The following MBNL1 variants were observed in gnomAD, a reference collection of about 807,000 sequenced individuals.
MBNL1 encodes the protein muscleblind-like protein 1.
Under a neutral mutation model 42.2 loss-of-function variants are expected in MBNL1, and 8 were observed. The ratio of observed to expected loss-of-function variants is 0.19; its 90% CI spans 0.11 to 0.34. The LOEUF (loss-of-function observed/expected upper bound fraction) is 0.34, where lower values mean the gene tolerates loss of function less well. MBNL1 is among the 10% of genes least tolerant of loss of function. MBNL1 has a pLI of 1.00. For missense variants in MBNL1, 309 were observed against 495.3 expected (o/e 0.62, Z 3.57); for synonymous variants, 169 against 173.9 (o/e 0.97, Z 0.22).
In MBNL1 at chr3:152,424,578, T is replaced by C. The variant is rs562681816; in HGVS notation, c.346-8139T>C. ...CACAGAATTAGAAAAAAAAAAAAAC[T>C]ACTTTAAATTTCATATGGAACCAAA... On this transcript the variant is annotated intron_variant, in intron 3 of 9. Transcript: ENST00000324210. Among the ~76,000 whole-genome samples the C allele has an allele frequency of 2.0e-5, 3 of 149,222 alleles. 1 individual carries two copies. In the East Asian group the frequency reaches 5.8e-4, roughly 29 times the overall value.
At chr3:152,309,705 T>G (rs2065268855) in intron 2 of MBNL1, among the ~76,000 whole-genome samples, 1 of 152,216 alleles carries the variant, frequency 6.6e-6, no homozygotes, top group Admixed American at 6.5e-5. Context: ...GATGGATAAA[T>G]TACATCTGTA....
At chr3:152,432,640 G>C in intron 3 of MBNL1, 77 bp from the exon 4 acceptor site, 1 of 1,274,946 alleles carries the variant, frequency 7.8e-7, no homozygotes, top group South Asian at 1.2e-5. Context: ...GATGGATGGA[G>C]GACAAATGTA....
At chr3:152,421,585 A>G (rs1478956000) in intron 3 of MBNL1, among the ~76,000 whole-genome samples, 1 of 152,206 alleles carries the variant, frequency 6.6e-6, no homozygotes, top group Non-Finnish European at 1.5e-5. Context: ...CATTCAGGAA[A>G]TACAGAGAAC....
intron 9 of MBNL1, among the ~76,000 whole-genome samples, chr3:152,460,330 A>G (rs1181791300): frequency 1.3e-5 from 2 of 152,044 alleles, no homozygotes; most frequent in East Asian, 1.9e-4. Flanking sequence ...ACACAAATCT[A>G]CATATTCAAA....
intron 2 of MBNL1, among the ~76,000 whole-genome samples, chr3:152,252,420 A>T (rs1049412603): frequency 8.0e-5 from 12 of 150,290 alleles, no homozygotes; most frequent in African/African-American, 2.9e-4. Context: ...ATTTAATTTT[A>T]TTTTTTGAGT....
At chr3:152,349,156 C>A (rs1366654257) in intron 2 of MBNL1, among the ~76,000 whole-genome samples, 6 of 151,974 alleles carry the variant, frequency 3.9e-5, no homozygotes. Context: ...AAGAATGTAT[C>A]CCTTGTGCTA....
chr3:152,459,453 A>T (rs1740556736), intron 9 of MBNL1, 108 bp downstream of exon 9: 1 of 449,896 alleles, frequency 2.2e-6, no homozygotes, highest in Non-Finnish European at 4.0e-6. Context: ...AAATATATAC[A>T]GATCACATTT....
intron 2 of MBNL1, among the ~76,000 whole-genome samples, chr3:152,413,836 T>G (rs1434624540): frequency 6.6e-6 from 1 of 152,210 alleles, no homozygotes; most frequent in Non-Finnish European, 1.5e-5. Flanking sequence ...GAAAATATGT[T>G]GAAATAATAT....
At chr3:152,433,060 C>G (rs2099027078) in intron 4 of MBNL1, 140 bp downstream of exon 4, 1 of 665,992 alleles carries the variant, frequency 1.5e-6, no homozygotes, top group African/African-American at 1.8e-5. Flanking sequence ...GAACATTTTA[C>G]TAGAGTATAG....
chr3:152,247,437 T>C (rs2033342314), intron 2 of MBNL1, among the ~76,000 whole-genome samples: 1 of 152,026 alleles, frequency 6.6e-6, no homozygotes, highest in South Asian at 2.1e-4. Context: ...ATGTATCATT[T>C]TCATGATACA....
chr3:152,374,162 C>T (rs1165844111), intron 2 of MBNL1, among the ~76,000 whole-genome samples: 1 of 152,096 alleles, frequency 6.6e-6, no homozygotes, highest in Non-Finnish European at 1.5e-5. Flanking sequence ...AATAGCCTAG[C>T]TATAGAAACA....
chr3:152,250,278 A>G (rs1218056791), intron 2 of MBNL1, among the ~76,000 whole-genome samples: 1 of 151,442 alleles, frequency 6.6e-6, no homozygotes, highest in East Asian at 2.0e-4. Context: ...ATTTGTTTGT[A>G]TCCTCTTTTA....
chr3:152,407,526 T>C (rs1331850955), intron 2 of MBNL1, among the ~76,000 whole-genome samples: 4 of 152,114 alleles, frequency 2.6e-5, no homozygotes, highest in Non-Finnish European at 5.9e-5. Context: ...AGAAGTTGTG[T>C]TTGATTTAAA....
At chr3:152,340,789 G>A in intron 2 of MBNL1, 1 of 1,614,054 alleles carries the variant, frequency 6.2e-7, no homozygotes, top group Non-Finnish European at 8.5e-7. Context: ...TCCAGCAGAA[G>A]GGGACTGGAC....
chr3:152,410,045 T>C (rs1194220626), intron 2 of MBNL1, among the ~76,000 whole-genome samples: 1 of 152,082 alleles, frequency 6.6e-6, no homozygotes, highest in Non-Finnish European at 1.5e-5. Context: ...TTTATTCTTA[T>C]TTTGATTGGC....
At chr3:152,383,359 T>A (rs1284857442) in intron 2 of MBNL1, among the ~76,000 whole-genome samples, 6 of 152,104 alleles carry the variant, frequency 3.9e-5, no homozygotes, top group Non-Finnish European at 8.8e-5. Context: ...TACAGTTTTC[T>A]GGAGAGTGAG....
At chr3:152,412,721 T>A (rs1579890834) in intron 2 of MBNL1, among the ~76,000 whole-genome samples, 2 of 152,098 alleles carry the variant, frequency 1.3e-5, no homozygotes, top group African/African-American at 4.8e-5. Context: ...GGCAGGATGG[T>A]CTGGGTGGTG....
intron 2 of MBNL1, among the ~76,000 whole-genome samples, chr3:152,342,190 A>G (rs2093388353): frequency 6.6e-6 from 1 of 152,100 alleles, no homozygotes; most frequent in Non-Finnish European, 1.5e-5. Context: ...TCTGGCAGTG[A>G]GTGCCAGTTC....
At chr3:152,313,636 C>T (rs2068478356) in intron 2 of MBNL1, among the ~76,000 whole-genome samples, 1 of 152,160 alleles carries the variant, frequency 6.6e-6, no homozygotes, top group Non-Finnish European at 1.5e-5. Context: ...TCTAAGTTAT[C>T]TTTCTCTTAT....
Sources: allele counts gnomAD v4.1 joint callset (sites outside exome capture counted in the v4.1 genomes callset), GRCh38; gene constraint gnomAD v4.1.1; transcripts MANE v1.5; gene names NCBI Gene and HGNC (gene_info 2026-07-23, HGNC 2026-07-21).